Variants in SHROOM4 observed in about 807,000 individuals in gnomAD.
SHROOM4 encodes protein Shroom4.
In SHROOM4, 17 loss-of-function variants were observed where a neutral mutation model predicts 80.3. That is an observed-to-expected ratio of 0.21 (90% CI 0.14 to 0.32). The LOEUF (loss-of-function observed/expected upper bound fraction) is 0.32, where lower values mean the gene tolerates loss of function less well. SHROOM4 is among the 10% of genes least tolerant of loss of function. The pLI is 1.00. For missense variants in SHROOM4, 993 were observed against 1,140.3 expected, an observed-to-expected ratio of 0.87 and a Z score of 1.86; for synonymous variants, 400 against 437.5, an observed-to-expected ratio of 0.91 and a Z score of 1.07.
intron 1 of SHROOM4, among the ~76,000 whole-genome samples, chrX:50,764,178 G>A (rs996893267): frequency 4.6e-4 from 51 of 111,291 alleles, no homozygotes; most frequent in African/African-American, 1.6e-3. Context: ...TGAAGATATG[G>A]TAGTAGTCTG....
chrX:50,703,292 G>A (rs17003181), intron 1 of SHROOM4, among the ~76,000 whole-genome samples: 4,834 of 111,375 alleles, frequency 0.043, 281 homozygotes, highest in African/African-American at 0.15. Flanking sequence ...ATCCAATGTT[G>A]GAGCCATCTA....
rs1928882184 is a variant in SHROOM4, at chrX:50,591,678, TTTC to T, written c.*5014_*5016del. 1 of 277,660 alleles carries T rather than the reference TTTC, an allele frequency of 3.6e-6. No homozygotes were observed. The highest frequency in any genetic ancestry group is 5.1e-5 in the Admixed American group (1 of 19,713). 22.9% of individuals were successfully genotyped at this position (277,660 alleles called of 1,213,427 possible). A position where few individuals can be genotyped will look rare whatever the true frequency, so the allele number is the denominator to read the frequency against. ...ATTGTAAATGGAACTGTTTTCTTTC[TTTC>T]TTTCTTTCTTTCTTTTCTTTCTTTC... On this transcript the variant is annotated 3_prime_UTR_variant, in exon 9 of 9. Coordinates refer to ENST00000376020, the MANE Select transcript of SHROOM4 (RefSeq NM_020717.5).
intron 5 of SHROOM4, among the ~76,000 whole-genome samples, chrX:50,614,453 AG>A (rs1930134926): frequency 1.8e-5 from 2 of 112,659 alleles, no homozygotes; most frequent in African/African-American, 6.4e-5. Context: ...CTCCATAGGG[AG>A]AAAAAGGTAT....
chrX:50,789,993 T>A (rs1412608424), intron 1 of SHROOM4, among the ~76,000 whole-genome samples: 1 of 112,273 alleles, frequency 8.9e-6, no homozygotes, highest in African/African-American at 3.2e-5. Context: ...TACAAACCTA[T>A]ACAGTATCTT....
chrX:50,635,127 C>T lies in SHROOM4; in HGVS notation c.946G>A (p.Val316Met). ...PQKEKLSLEP[V>M]LPARNPNRFC... ...CTATTAGGGTTCCTTGCGGGTAGCA[C>T]AGGCTCTAAGCTCAGTTTCTCCTTC... The change falls in exon 4 of 9, where the codon GTG becomes ATG. Residue 316 changes from valine to methionine, a missense_variant. Val to Met is a conservative substitution (Grantham distance 21). Coordinates refer to ENST00000376020, the MANE Select transcript of SHROOM4 (RefSeq NM_020717.5). 8.3e-7 allele frequency: 1 copy of T among 1,211,197 alleles called. No homozygotes were observed. Among genetic ancestry groups the T allele is most frequent in the Non-Finnish European group, 1.1e-6 (1 of 895,118 alleles).
intron 2 of SHROOM4, among the ~76,000 whole-genome samples, chrX:50,679,007 A>G (rs782000776): frequency 1.8e-5 from 2 of 111,539 alleles, no homozygotes; most frequent in East Asian, 5.6e-4. Flanking sequence ...AGCAAACTCA[A>G]TAGTCTTTTT....
intron 6 of SHROOM4, among the ~76,000 whole-genome samples, chrX:50,604,518 T>A (rs1314119174): frequency 8.9e-6 from 1 of 111,912 alleles, no homozygotes; most frequent in African/African-American, 3.2e-5. Context: ...CTGGAGTATA[T>A]CTATGTTAGC....
At chrX:50,712,290 T>A (rs1433952254) in intron 1 of SHROOM4, among the ~76,000 whole-genome samples, 1 of 111,993 alleles carries the variant, frequency 8.9e-6, no homozygotes, top group African/African-American at 3.2e-5. Context: ...TGACATTCAA[T>A]TGAGTTTTGG....
intron 1 of SHROOM4, among the ~76,000 whole-genome samples, chrX:50,755,134 C>G (rs1935010951): frequency 8.9e-6 from 1 of 112,238 alleles, no homozygotes; most frequent in Admixed American, 9.4e-5. Flanking sequence ...GAAAGCTATT[C>G]TTGTATGGAT....
intron 1 of SHROOM4, among the ~76,000 whole-genome samples, chrX:50,786,440 G>C (rs1411907247): frequency 8.9e-6 from 1 of 111,901 alleles, no homozygotes; most frequent in African/African-American, 3.3e-5. Flanking sequence ...CGTGTCCCGT[G>C]CTCCAACCTT....
intron 1 of SHROOM4, among the ~76,000 whole-genome samples, chrX:50,741,459 T>C (rs1321755260): frequency 9.0e-6 from 1 of 111,018 alleles, no homozygotes; most frequent in East Asian, 2.8e-4. Flanking sequence ...ATAAAAATAA[T>C]AGGTAAATGA....
intron 1 of SHROOM4, among the ~76,000 whole-genome samples, chrX:50,739,095 T>G (rs781960680): frequency 1.7e-3 from 191 of 111,716 alleles, no homozygotes; most frequent in African/African-American, 5.7e-3. Context: ...ATTCCCTATT[T>G]AATAAATGGT....
At chrX:50,764,088 C>T (rs1437215564) in intron 1 of SHROOM4, among the ~76,000 whole-genome samples, 1 of 111,805 alleles carries the variant, frequency 8.9e-6, no homozygotes, top group Non-Finnish European at 1.9e-5. Flanking sequence ...TAAAGTCAGC[C>T]CTCAACAGCG....
chrX:50,654,114 G>A (rs1314585210), intron 2 of SHROOM4, among the ~76,000 whole-genome samples: 2 of 111,790 alleles, frequency 1.8e-5, no homozygotes, highest in Non-Finnish European at 3.8e-5. Context: ...GTATAATAGA[G>A]GGCAGCTGCT....
At chrX:50,806,533 C>A (rs781805304) in intron 1 of SHROOM4, among the ~76,000 whole-genome samples, 3 of 112,021 alleles carry the variant, frequency 2.7e-5, no homozygotes, top group Non-Finnish European at 5.6e-5. Context: ...TCCTTGGAAC[C>A]CAATCTTTAG....
At chrX:50,766,195 C>T (rs142938969) in intron 1 of SHROOM4, among the ~76,000 whole-genome samples, 6,782 of 111,479 alleles carry the variant, frequency 0.061, 324 homozygotes, top group African/African-American at 0.16. Flanking sequence ...AGTCTCTCAC[C>T]TGTTGAAATT....
chrX:50,588,171 T>C lies in SHROOM4; in HGVS notation c.*8524A>G, dbSNP rs1390580593. On this transcript the variant is annotated 3_prime_UTR_variant, in exon 9 of 9. Transcript: ENST00000376020. Reference sequence around the variant, plus strand: ...CTACATTGTTCTCATCAGATGGTAGTATTGAGCTTGCCAGAAAATTTTACT... The same window carrying C: ...CTACATTGTTCTCATCAGATGGTAGCATTGAGCTTGCCAGAAAATTTTACT... Among the ~76,000 whole-genome samples, 2 of 111,248 alleles carry C rather than the reference T, an allele frequency of 1.8e-5. No individual in the cohort carries two copies. Among genetic ancestry groups the C allele is most frequent in the Non-Finnish European group, 3.8e-5 (2 of 53,029 alleles).
chrX:50,661,615 T>C (rs1557259982), intron 2 of SHROOM4, among the ~76,000 whole-genome samples: 1 of 112,614 alleles, frequency 8.9e-6, no homozygotes, highest in Non-Finnish European at 1.9e-5. Flanking sequence ...TCATTACGGT[T>C]TACTGATCAG....
At chrX:50,683,228 C>T (rs781797840) in intron 2 of SHROOM4, among the ~76,000 whole-genome samples, 13 of 111,371 alleles carry the variant, frequency 1.2e-4, no homozygotes, top group Non-Finnish European at 1.7e-4. Flanking sequence ...AGAACTCTGA[C>T]GAATACATTG....
Sources: allele counts gnomAD v4.1 joint callset (sites outside exome capture counted in the v4.1 genomes callset), GRCh38; gene constraint gnomAD v4.1.1; transcripts MANE v1.5; gene names NCBI Gene and HGNC (gene_info 2026-07-23, HGNC 2026-07-21).